Variants in SLC15A5 observed in about 807,000 individuals in gnomAD.
SLC15A5 encodes the protein solute carrier family 15 member 5, also known as Peptide/histidine transporter ENSP00000340402.
In SLC15A5, 58 loss-of-function variants were observed where a neutral mutation model predicts 56.1. That is an observed-to-expected ratio of 1.03 (90% CI 0.84 to 1.29). The LOEUF (loss-of-function observed/expected upper bound fraction) is 1.29. SLC15A5 is among the 50% of genes most tolerant of loss of function. The pLI is 0.00. For synonymous variants in SLC15A5, 264 were observed against 250.5 expected (o/e 1.05, Z -0.51); for missense variants, 681 against 672.1 (o/e 1.01, Z -0.15).
chr12:16,256,187 ATCT>A (rs1565672035), intron 3 of SLC15A5, among the ~76,000 whole-genome samples: 1 of 152,222 alleles, frequency 6.6e-6, no homozygotes, highest in Non-Finnish European at 1.5e-5. Flanking sequence ...TTAAATGTTT[ATCT>A]TCTTTTTATT....
At chr12:16,244,156 G>A (rs1864439167) in intron 4 of SLC15A5, among the ~76,000 whole-genome samples, 2 of 152,310 alleles carry the variant, frequency 1.3e-5, no homozygotes, top group African/African-American at 4.8e-5. Context: ...TAAGAGTACA[G>A]TGGAGGTGGT....
At chr12:16,215,394 T>A (rs535658387) in intron 7 of SLC15A5, among the ~76,000 whole-genome samples, 43 of 152,252 alleles carry the variant, frequency 2.8e-4, no homozygotes, top group Admixed American at 3.3e-4. Context: ...TGTGATTTGA[T>A]TCTAGAAATT....
At chr12:16,193,531 A>G (rs1191558528) in intron 8 of SLC15A5, among the ~76,000 whole-genome samples, 1 of 152,024 alleles carries the variant, frequency 6.6e-6, no homozygotes, top group Admixed American at 6.6e-5. Flanking sequence ...ACCTAGGCAA[A>G]GGTGAAGTGA....
At chr12:16,254,658 G>A (rs1234903347) in intron 3 of SLC15A5, among the ~76,000 whole-genome samples, 2 of 152,082 alleles carry the variant, frequency 1.3e-5, no homozygotes, top group African/African-American at 4.8e-5. Flanking sequence ...ATAAATATGA[G>A]GGTGCAAATG....
At chr12:16,217,135 A>G in intron 6 of SLC15A5, 111 bp from the exon 7 acceptor site, 1 of 1,215,874 alleles carries the variant, frequency 8.2e-7, no homozygotes, top group Non-Finnish European at 1.1e-6. Context: ...TGATACAATA[A>G]AAATTTGGGT....
intron 5 of SLC15A5, among the ~76,000 whole-genome samples, chr12:16,227,039 T>G (rs897003820): frequency 3.9e-5 from 6 of 152,132 alleles, no homozygotes; most frequent in Admixed American, 3.3e-4. Context: ...TTTGATTATA[T>G]CTCAGAATTT....
At chr12:16,242,229 G>A (rs1166592496) in intron 4 of SLC15A5, among the ~76,000 whole-genome samples, 1 of 152,108 alleles carries the variant, frequency 6.6e-6, no homozygotes. Flanking sequence ...TATTTCATCT[G>A]GGGGCAAAAA....
At chr12:16,247,801 G>A (rs571213833) in intron 3 of SLC15A5, among the ~76,000 whole-genome samples, 1 of 152,022 alleles carries the variant, frequency 6.6e-6, no homozygotes, top group Non-Finnish European at 1.5e-5. Context: ...GGAACTTGAC[G>A]TTTATCTACA....
chr12:16,196,103 A>G lies in SLC15A5; in HGVS notation c.1484-1650T>C, dbSNP rs982053939. On this transcript the variant is annotated intron_variant, in intron 7 of 8. Coordinates refer to ENST00000344941, the MANE Select transcript of SLC15A5 (RefSeq NM_001170798.1). The surrounding 1 kb of genome is among the most constrained non-coding windows in gnomAD (Gnocchi z 4.0). The stretch of plus-strand genomic sequence containing the variant: ...TCTTATTTATCCTTATATTTTCAGT[A>G]TTTAGATCAGTGCCTGACAAATAGG... 4.6e-5 allele frequency among the ~76,000 whole-genome samples: 7 copies of G among 152,132 alleles called. No individual in the cohort carries two copies. The highest frequency in any genetic ancestry group is 7.4e-5 in the Non-Finnish European group (5 of 67,998).
In SLC15A5 at chr12:16,222,977, ATAAAG is replaced by A. The variant is rs1438156070; in HGVS notation, c.1351+1432_1351+1436del. 7.9e-5 allele frequency among the ~76,000 whole-genome samples: 12 copies of A among 152,328 alleles called. No individual in the cohort carries two copies. The East Asian group carries it at 1.9e-3, about 24-fold the overall frequency. ...AGTGAGGTCCCCAGTTTAAAATCTCATAAAGTAATTTATGTATGCAAAATATATGG... is the reference window on the plus strand; with the variant it reads ...AGTGAGGTCCCCAGTTTAAAATCTCATAATTTATGTATGCAAAATATATGG... On this transcript the variant is annotated intron_variant, in intron 6 of 8. Transcript: ENST00000344941.
Position 16,235,260 on chromosome 12 carries a change from A to ATATATGTT in SLC15A5, c.1162+4420_1162+4421insAACATATA, listed in dbSNP as rs1555172067. 5.2e-4 allele frequency among the ~76,000 whole-genome samples: 77 copies of ATATATGTT among 147,754 alleles called. 3 individuals carry two copies. In the South Asian group the frequency reaches 0.015, roughly 29 times the overall value. ...ACATGTTATAAGTATATATGTGTAT[A>ATATATGTT]TATATGTATATGTATATATATGTAT... On this transcript the variant is annotated intron_variant, in intron 5 of 8. Transcript: ENST00000344941. This position sits in a 1 kb window ranked among gnomAD's most constrained non-coding sequence, Gnocchi z 4.1.
In SLC15A5 at chr12:16,189,205, T is replaced by A. The variant is rs1369378386; in HGVS notation, c.*463A>T. The A allele has an allele frequency of 6.6e-6, 1 of 152,362 alleles. No individual in the cohort carries two copies. The highest frequency in any genetic ancestry group is 1.9e-4 in the East Asian group (1 of 5,180). The allele number at this position is 152,362 out of a possible 1,614,324, so 9.4% of individuals were successfully genotyped here. A position where few individuals can be genotyped will look rare whatever the true frequency, so the allele number is the denominator to read the frequency against. Reference sequence around the variant, plus strand: ...TATAGAAAATCATGTATATGTTTATTATTTACTCAGTTATATACAGTATAT... The same window carrying A: ...TATAGAAAATCATGTATATGTTTATAATTTACTCAGTTATATACAGTATAT... On this transcript the variant is annotated 3_prime_UTR_variant, in exon 9 of 9. Transcript: ENST00000344941.
chr12:16,234,826 A>G (rs376092162), intron 5 of SLC15A5, among the ~76,000 whole-genome samples: 1 of 152,192 alleles, frequency 6.6e-6, no homozygotes, highest in African/African-American at 2.4e-5. Flanking sequence ...AGCTGAACTT[A>G]TACTAAAAAA....
intron 2 of SLC15A5, among the ~76,000 whole-genome samples, chr12:16,264,491 G>A (rs1196893954): frequency 6.6e-6 from 1 of 152,200 alleles, no homozygotes. Flanking sequence ...TTGAGTTAAT[G>A]CTGAAATGAG....
intron 4 of SLC15A5, among the ~76,000 whole-genome samples, chr12:16,241,675 T>C (rs1864416044): frequency 6.6e-6 from 1 of 152,174 alleles, no homozygotes; most frequent in African/African-American, 2.4e-5. Context: ...GGAAAATGAA[T>C]GATGTGTTTT....
chr12:16,229,950 A>C (rs1477292524), intron 5 of SLC15A5, among the ~76,000 whole-genome samples: 2 of 152,164 alleles, frequency 1.3e-5, no homozygotes, highest in African/African-American at 4.8e-5. Flanking sequence ...TAGCAGGATC[A>C]CAGGAAGCTC....
chr12:16,217,122 T>G (rs1275357192), intron 6 of SLC15A5, 98 bp from the exon 7 acceptor site: 1 of 1,284,826 alleles, frequency 7.8e-7, no homozygotes, highest in Non-Finnish European at 1.0e-6. Context: ...AAAGAAAATT[T>G]ACTGATACAA....
At position 16,235,205 on chromosome 12, in the gene SLC15A5, T is replaced by C. The variant is rs546341107; in HGVS notation, c.1162+4476A>G. ...TTATTGTTTTCCCCTATTTGTGGCA[T>C]GTTTTTATACATAATATATACAAAA... On this transcript the variant is annotated intron_variant, in intron 5 of 8. Transcript: ENST00000344941. This position sits in a 1 kb window ranked among gnomAD's most constrained non-coding sequence, Gnocchi z 4.1. Among the ~76,000 whole-genome samples, 1 of 150,940 alleles carries C rather than the reference T, an allele frequency of 6.6e-6. No individual in the cohort carries two copies. The highest frequency in any genetic ancestry group is 1.5e-5 in the Non-Finnish European group (1 of 67,732).
chr12:16,228,200 G>A (rs1269785994), intron 5 of SLC15A5, among the ~76,000 whole-genome samples: 2 of 152,182 alleles, frequency 1.3e-5, no homozygotes, highest in Non-Finnish European at 2.9e-5. Flanking sequence ...GAAATTGGGT[G>A]AATCAAGAGA....
Sources: allele counts gnomAD v4.1 joint callset (sites outside exome capture counted in the v4.1 genomes callset), GRCh38; gene constraint gnomAD v4.1.1; non-coding constraint Gnocchi (gnomAD v3.1); transcripts MANE v1.5; gene names NCBI Gene and HGNC (gene_info 2026-07-23, HGNC 2026-07-21).